Variants in CYP3A43 observed in about 807,000 individuals in gnomAD.
CYP3A43 encodes cytochrome P450 family 3 subfamily A member 43.
CYP3A43 carries 45 observed loss-of-function variants against 58.0 expected under a neutral mutation model. The ratio of observed to expected loss-of-function variants is 0.78; its 90% CI spans 0.61 to 0.99. The LOEUF (loss-of-function observed/expected upper bound fraction) is 0.99. Ranked by LOEUF, CYP3A43 falls within the 50% of genes least tolerant of loss-of-function variation. CYP3A43 has a pLI of 0.00. For synonymous variants in CYP3A43, 191 were observed against 201.4 expected (o/e 0.95, Z 0.44); for missense variants, 593 against 591.9 (o/e 1.00, Z -0.02).
chr7:99,849,954 C>CTTT, intron 7 of CYP3A43: 2 of 464,922 alleles, frequency 4.3e-6, no homozygotes, highest in South Asian at 1.6e-5. Flanking sequence ...TCTTCCTCAC[C>CTTT]ATTTTTTTTT....
At position 99,849,697 on chromosome 7, in the gene CYP3A43, A is replaced by T. The variant is rs1186757949; in HGVS notation, c.670+3A>T. 1 of 1,576,204 alleles carries T rather than the reference A, an allele frequency of 6.3e-7. No individual in the cohort carries two copies. Among genetic ancestry groups the T allele is most frequent in the South Asian group, 1.2e-5 (1 of 84,262 alleles). On this transcript the variant is annotated splice_donor_region_variant and intron_variant, in intron 7 of 12. Coordinates refer to ENST00000354829, the MANE Select transcript of CYP3A43 (RefSeq NM_057095.3). ...GGATCCCTTTTTACTCTTAATATGTATGTGGACTTTTATGTTATTTCTCTC... is the reference window on the plus strand; with the variant it reads ...GGATCCCTTTTTACTCTTAATATGTTTGTGGACTTTTATGTTATTTCTCTC...
rs1278489794 is a variant in CYP3A43, at chr7:99,855,636, G to C, written c.716G>C (p.Gly239Ala). ...CCAGTTTTTGAAGCCCTAAATATCGGTTTGTTTCCAAAAGATGTTACCCAT... is the reference window on the plus strand; with the variant it reads ...CCAGTTTTTGAAGCCCTAAATATCGCTTTGTTTCCAAAAGATGTTACCCAT... ...LTPVFEALNI[G>A]LFPKDVTHFL... The change falls in exon 8 of 13, where the codon GGT (glycine) becomes GCT (alanine). Residue 239 changes from glycine to alanine, a missense_variant. Physicochemically the swap from Gly to Ala is moderately conservative, Grantham distance 60. Coordinates refer to ENST00000354829, the MANE Select transcript of CYP3A43 (RefSeq NM_057095.3). 1.2e-6 allele frequency: 2 copies of C among 1,613,188 alleles called. No homozygotes were observed. Among genetic ancestry groups the C allele is most frequent in the Non-Finnish European group, 1.7e-6 (2 of 1,179,792 alleles).
chr7:99,844,646 T>C (rs746179045), intron 4 of CYP3A43, among the ~76,000 whole-genome samples: 1 of 152,240 alleles, frequency 6.6e-6, no homozygotes, highest in Non-Finnish European at 1.5e-5. Context: ...GCAGGGTCTA[T>C]AGTAGAGAAA....
Position 99,861,652 on chromosome 7 carries a change from C to G in CYP3A43, c.1066C>G (p.Leu356Val), listed in dbSNP as rs1319814062. ...CGATGCCCTGGTACAGATGGAGTAC[C>G]TTGACATGGTGGTGAATGAAACGCT... ...TYDALVQMEYLDMVVNETLRL... is the reference protein window; with the variant it reads ...TYDALVQMEYVDMVVNETLRL... Residue 356 changes from leucine to valine, a missense_variant, in exon 11 of 13, where the codon CTT becomes GTT. Coordinates refer to ENST00000354829, the MANE Select transcript of CYP3A43 (RefSeq NM_057095.3). 1.2e-6 allele frequency: 2 copies of G among 1,614,012 alleles called. No individual in the cohort carries two copies. The highest frequency in any genetic ancestry group is 1.3e-5 in the African/African-American group (1 of 74,902).
At chr7:99,842,679 G>T (rs1391579014) in intron 3 of CYP3A43, among the ~76,000 whole-genome samples, 1 of 152,174 alleles carries the variant, frequency 6.6e-6, no homozygotes, top group East Asian at 1.9e-4. Flanking sequence ...AAAAGTTATG[G>T]TTGGAAACTG....
At chr7:99,841,589 G>C (rs1017213444) in intron 3 of CYP3A43, among the ~76,000 whole-genome samples, 7 of 152,042 alleles carry the variant, frequency 4.6e-5, no homozygotes, top group Non-Finnish European at 8.8e-5. Flanking sequence ...GTAGAGACAG[G>C]GTTTCCCCAT....
intron 1 of CYP3A43, among the ~76,000 whole-genome samples, chr7:99,834,035 T>C (rs546024685): frequency 1.1e-4 from 17 of 152,220 alleles, no homozygotes; most frequent in Non-Finnish European, 2.2e-4. Context: ...TCATGACAGC[T>C]AGGCCATTAT....
Position 99,856,910 on chromosome 7 carries a change from A to T in CYP3A43, c.865+11A>T. ...CAAAGTCCCATAAAGGTAACCAAGAACTGCATCTGGGGGCTACTGATGGGG... is the reference window on the plus strand; with the variant it reads ...CAAAGTCCCATAAAGGTAACCAAGATCTGCATCTGGGGGCTACTGATGGGG... On this transcript the variant is annotated intron_variant, in intron 9 of 12. Coordinates refer to ENST00000354829, the MANE Select transcript of CYP3A43 (RefSeq NM_057095.3). The T allele has an allele frequency of 6.2e-7, 1 of 1,612,518 alleles. No individual in the cohort carries two copies. The highest frequency in any genetic ancestry group is 1.1e-5 in the South Asian group (1 of 90,622).
intron 3 of CYP3A43, among the ~76,000 whole-genome samples, chr7:99,840,482 C>G (rs1224314799): frequency 6.6e-6 from 1 of 152,146 alleles, no homozygotes; most frequent in African/African-American, 2.4e-5. Flanking sequence ...ATGTATATCT[C>G]ATGTAAAATG....
At chr7:99,862,475 G>A (rs1013416945) in intron 11 of CYP3A43, among the ~76,000 whole-genome samples, 90 of 152,120 alleles carry the variant, frequency 5.9e-4, no homozygotes, top group African/African-American at 2.1e-3. Flanking sequence ...GTCCTGTGCC[G>A]GCTCCCTTGT....
At chr7:99,842,109 C>T (rs1817356529) in intron 3 of CYP3A43, among the ~76,000 whole-genome samples, 1 of 152,140 alleles carries the variant, frequency 6.6e-6, no homozygotes, top group Non-Finnish European at 1.5e-5. Context: ...TTTTAAAGGA[C>T]TTATAAAATG....
In CYP3A43 at chr7:99,830,534, A is replaced by G. The variant is rs545318929; in HGVS notation, c.71+2348A>G. On this transcript the variant is annotated intron_variant, in intron 1 of 12. Transcript: ENST00000354829. ...ACTTAGTCTAAAAGAAAAAAAAAAG[A>G]AAAAAATAATATTAGCTCACAGAAA... 3.3e-5 allele frequency among the ~76,000 whole-genome samples: 5 copies of G among 152,228 alleles called. No homozygotes were observed. In the South Asian group the frequency reaches 1.0e-3, roughly 32 times the overall value.
In CYP3A43 at chr7:99,839,093, T is replaced by C; in HGVS notation, c.166-27T>C. On this transcript the variant is annotated intron_variant, in intron 2 of 12. Transcript: ENST00000354829. ...CGTTCAGTACATTCGAAATAATACT[T>C]GAATTGTATTTTGTTTCTTCTGCCA... The C allele has an allele frequency of 2.5e-6, 4 of 1,613,884 alleles. No individual in the cohort carries two copies. In the South Asian group the frequency reaches 3.3e-5, roughly 13 times the overall value.
intron 8 of CYP3A43, 117 bp downstream of exon 8, chr7:99,855,835 C>T (rs1817955441): frequency 8.5e-7 from 1 of 1,172,004 alleles, no homozygotes; most frequent in African/African-American, 1.6e-5. Context: ...GAACTTTAGA[C>T]CAAGAGGGTT....
At position 99,848,183 on chromosome 7, in the gene CYP3A43, C is replaced by G. The variant is rs749780001; in HGVS notation, c.450C>G (p.Ser150=). 6.2e-7 allele frequency: 1 copy of G among 1,614,116 alleles called. No individual in the cohort carries two copies. The highest frequency in any genetic ancestry group is 8.5e-7 in the Non-Finnish European group (1 of 1,180,010). ...TGTTTTAGATGGTCCCCATCATTTC[C>G]CAATGTGGAGATATGTTGGTGAGAA... ...VKFKEMVPII[S]QCGDMLVRSL... The change falls in exon 6 of 13, where the codon TCC becomes TCG. Residue 150 remains serine (S), a synonymous_variant. Transcript: ENST00000354829.
chr7:99,831,271 A>G (rs577848465), intron 1 of CYP3A43, among the ~76,000 whole-genome samples: 1 of 152,306 alleles, frequency 6.6e-6, no homozygotes, highest in East Asian at 1.9e-4. Flanking sequence ...AATATTTAGG[A>G]TCTAAGAAAA....
In CYP3A43 at chr7:99,828,180, T is replaced by C. The variant is rs1783183018; in HGVS notation, c.65T>C (p.Leu22Pro). 1 of 1,610,202 alleles carries C rather than the reference T, an allele frequency of 6.2e-7. No individual in the cohort carries two copies. The highest frequency in any genetic ancestry group is 8.5e-7 in the Non-Finnish European group (1 of 1,177,682). The stretch of plus-strand genomic sequence containing the variant: ...CTTGTGGCTACCAGCCTGGTACTCC[T>C]CTATATGTGAGTAACTATGCAGGCA... ...WVLVATSLVL[L>P]YIYGTHSHKL... The change falls in exon 1 of 13, where the codon CTC (leucine) becomes CCC (proline). Residue 22 changes from leucine to proline, a missense_variant. Physicochemically the swap from Leu to Pro is moderately conservative, Grantham distance 98. Transcript: ENST00000354829.
chr7:99,851,036 G>A (rs186611650), intron 7 of CYP3A43, among the ~76,000 whole-genome samples: 21 of 152,130 alleles, frequency 1.4e-4, no homozygotes, highest in South Asian at 8.3e-4. Flanking sequence ...GCATGGTGGC[G>A]GGTGTCTGTA....
chr7:99,864,391 A>G (rs1818365365), intron 12 of CYP3A43, among the ~76,000 whole-genome samples: 1 of 148,524 alleles, frequency 6.7e-6, no homozygotes, highest in Admixed American at 6.6e-5. Context: ...TCAACCCAAT[A>G]ATAGCTCTAT....
Sources: allele counts gnomAD v4.1 joint callset (sites outside exome capture counted in the v4.1 genomes callset), GRCh38; gene constraint gnomAD v4.1.1; transcripts MANE v1.5; gene names NCBI Gene and HGNC (gene_info 2026-07-23, HGNC 2026-07-21).